Variants in CTNND2 observed in about 807,000 individuals in gnomAD.
CTNND2 encodes the protein catenin delta 2.
A neutral mutation model predicts 144.4 loss-of-function variants in CTNND2; 22 were observed. The ratio of observed to expected loss-of-function variants is 0.15; its 90% CI spans 0.11 to 0.22. CTNND2 has a LOEUF of 0.22. CTNND2 is among the 10% of genes least tolerant of loss of function. The pLI, the probability that CTNND2 is intolerant of heterozygous loss-of-function variation, is 1.00. For missense variants in CTNND2, 1,353 were observed against 1,618.8 expected (o/e 0.84, Z 2.82); for synonymous variants, 751 against 695.6 (o/e 1.08, Z -1.25).
At chr5:11,793,434 G>A (rs1170875101) in intron 1 of CTNND2, among the ~76,000 whole-genome samples, 1 of 152,190 alleles carries the variant, frequency 6.6e-6, no homozygotes, top group Non-Finnish European at 1.5e-5. Flanking sequence ...CTCAGAATGT[G>A]ACCCTATTTG....
At chr5:11,199,236 G>C (rs1026307013) in intron 11 of CTNND2, among the ~76,000 whole-genome samples, 12 of 152,056 alleles carry the variant, frequency 7.9e-5, no homozygotes, top group African/African-American at 2.9e-4. Flanking sequence ...ATTTTAGTGA[G>C]GATTACATTT....
intron 18 of CTNND2, among the ~76,000 whole-genome samples, chr5:10,998,728 ATGT>A (rs1229472512): frequency 3.9e-5 from 6 of 152,226 alleles, no homozygotes; most frequent in African/African-American, 7.2e-5. Flanking sequence ...GAACATGTAC[ATGT>A]TGTTTTTTCT....
chr5:11,478,724 T>C (rs1473310106), intron 3 of CTNND2, among the ~76,000 whole-genome samples: 4 of 152,226 alleles, frequency 2.6e-5, no homozygotes, highest in Non-Finnish European at 5.9e-5. Flanking sequence ...CCCTGGTCTT[T>C]GAGTATTCTA....
intron 15 of CTNND2, among the ~76,000 whole-genome samples, chr5:11,095,892 G>A (rs920245074): frequency 6.6e-6 from 1 of 151,890 alleles, no homozygotes; most frequent in Non-Finnish European, 1.5e-5. Context: ...TTAGATCTGT[G>A]AGTTTATAGT....
intron 3 of CTNND2, among the ~76,000 whole-genome samples, chr5:11,437,917 G>A (rs1763910757): frequency 6.6e-6 from 1 of 152,176 alleles, no homozygotes; most frequent in Non-Finnish European, 1.5e-5. Context: ...GGGGTGGCTA[G>A]GCCTCTTCTG....
chr5:11,541,030 G>A (rs971154312), intron 3 of CTNND2, among the ~76,000 whole-genome samples: 10 of 152,126 alleles, frequency 6.6e-5, no homozygotes, highest in Admixed American at 2.0e-4. Flanking sequence ...TGCAAAATAC[G>A]ACACCATTGT....
chr5:11,360,771 A>C (rs2149764314), intron 8 of CTNND2, among the ~76,000 whole-genome samples: 1 of 152,240 alleles, frequency 6.6e-6, no homozygotes, highest in Non-Finnish European at 1.5e-5. Flanking sequence ...TCAGATGTTT[A>C]TGTCTTTCTC....
chr5:11,826,877 T>C (rs898394815), intron 1 of CTNND2, among the ~76,000 whole-genome samples: 7 of 152,064 alleles, frequency 4.6e-5, no homozygotes, highest in Admixed American at 1.3e-4. Context: ...ATAATTATTG[T>C]TGGAGAATTC....
intron 2 of CTNND2, among the ~76,000 whole-genome samples, chr5:11,704,066 G>A (rs945305708): frequency 3.3e-5 from 5 of 152,150 alleles, no homozygotes; most frequent in African/African-American, 1.2e-4. Context: ...GAAAAAGAAA[G>A]GAAATGATTT....
chr5:11,426,001 A>C (rs1034199481), intron 3 of CTNND2, among the ~76,000 whole-genome samples: 2 of 152,080 alleles, frequency 1.3e-5, no homozygotes, highest in Non-Finnish European at 2.9e-5. Context: ...TTTAGCAAAA[A>C]TCCTATTAGG....
chr5:11,741,758 T>TTA (rs1276683156), intron 1 of CTNND2, among the ~76,000 whole-genome samples: 1 of 148,120 alleles, frequency 6.8e-6, no homozygotes, highest in Admixed American at 6.8e-5. Flanking sequence ...TTCATGTATA[T>TTA]TATATATATA....
chr5:11,018,053 G>C lies in CTNND2; in HGVS notation c.3005C>G (p.Ser1002Cys), dbSNP rs1297882186. Residue 1002 changes from serine to cysteine, a missense_variant, in exon 18 of 22, where the codon TCT (serine) becomes TGT (cysteine). Ser to Cys is a moderately radical substitution (Grantham distance 112). Transcript: ENST00000304623. ...GISKSKGDKH[S>C]PKVVKAASQV... ...AGATGCAGCCTTGACCACTTTTGGAGAGTGTCTGATGAAGAAAAGACAGGA... is the reference window on the plus strand; with the variant it reads ...AGATGCAGCCTTGACCACTTTTGGACAGTGTCTGATGAAGAAAAGACAGGA... 1 of 1,612,520 alleles carries C rather than the reference G, an allele frequency of 6.2e-7. No homozygotes were observed. The highest frequency in any genetic ancestry group is 1.3e-5 in the African/African-American group (1 of 75,004).
intron 3 of CTNND2, among the ~76,000 whole-genome samples, chr5:11,501,302 A>G (rs1770499317): frequency 6.6e-6 from 1 of 152,250 alleles, no homozygotes; most frequent in Non-Finnish European, 1.5e-5. Flanking sequence ...TCCAAGAACA[A>G]GACAGGAGCC....
chr5:11,901,786 G>A (rs1017974335), intron 1 of CTNND2, among the ~76,000 whole-genome samples: 2 of 151,974 alleles, frequency 1.3e-5, no homozygotes, highest in East Asian at 1.9e-4. Flanking sequence ...CATGCCCATC[G>A]GCCGCTCTGG....
intron 2 of CTNND2, among the ~76,000 whole-genome samples, chr5:11,652,356 C>T (rs539132713): frequency 6.6e-6 from 1 of 151,668 alleles, no homozygotes; most frequent in African/African-American, 2.4e-5. Context: ...TCTTGTACAG[C>T]CTGCAGAAGT....
chr5:11,840,111 G>A lies in CTNND2; in HGVS notation c.37+63706C>T, dbSNP rs1319557566. Among the ~76,000 whole-genome samples, 3 of 152,024 alleles carry A rather than the reference G, an allele frequency of 2.0e-5. No individual in the cohort carries two copies. In the South Asian group the frequency reaches 6.2e-4, roughly 32 times the overall value. On this transcript the variant is annotated intron_variant, in intron 1 of 21. Coordinates refer to ENST00000304623, the MANE Select transcript of CTNND2 (RefSeq NM_001332.4). The stretch of plus-strand genomic sequence containing the variant: ...ATATATTCATTAGGAAAAAAAAATT[G>A]TAACTACATCTGAGTGGTCTGCTGA...
chr5:11,870,069 A>C (rs1795957028), intron 1 of CTNND2, among the ~76,000 whole-genome samples: 1 of 152,202 alleles, frequency 6.6e-6, no homozygotes, highest in Admixed American at 6.5e-5. Context: ...TATTGCATCC[A>C]CTACCACAAT....
intron 9 of CTNND2, among the ~76,000 whole-genome samples, chr5:11,288,484 T>C (rs1465608810): frequency 6.6e-6 from 1 of 152,224 alleles, no homozygotes; most frequent in Non-Finnish European, 1.5e-5. Flanking sequence ...GTAATTATTA[T>C]ACAGGCTGTC....
intron 3 of CTNND2, among the ~76,000 whole-genome samples, chr5:11,420,819 C>T (rs1192248776): frequency 6.6e-6 from 1 of 152,108 alleles, no homozygotes; most frequent in Non-Finnish European, 1.5e-5. Flanking sequence ...TAACTATTGC[C>T]ATCAAAAATA....
Sources: gnomAD v4.1 joint callset for allele counts (sites outside exome capture counted in the v4.1 genomes callset) on GRCh38, gnomAD v4.1.1 for gene constraint, MANE v1.5 for transcripts, NCBI Gene and HGNC (gene_info 2026-07-23, HGNC 2026-07-21) for gene names.